Variants in TSC22D1 observed in about 807,000 individuals in gnomAD.
The protein encoded by TSC22D1 is TSC22 domain family protein 1.
In TSC22D1, 9 loss-of-function variants were observed where a neutral mutation model predicts 74.2. The observed-to-expected ratio is 0.12, with a 90% CI of 0.07 to 0.21. The LOEUF is 0.21. Among genes scored for constraint, TSC22D1 ranks in the 10% least tolerant of loss-of-function variants. The pLI, the probability that TSC22D1 is intolerant of heterozygous loss-of-function variation, is 1.00. For synonymous variants in TSC22D1, 586 were observed against 492.5 expected, an observed-to-expected ratio of 1.19 and a Z score of -2.51; for missense variants, 1,427 against 1,304.7, an observed-to-expected ratio of 1.09 and a Z score of -1.44.
At chr13:44,557,240 A>T (rs1377641140) in intron 1 of TSC22D1, among the ~76,000 whole-genome samples, 2 of 152,202 alleles carry the variant, frequency 1.3e-5, no homozygotes, top group Non-Finnish European at 2.9e-5. Context: ...AGGTGGGCGG[A>T]TCACAAGGTC....
chr13:44,520,632 A>T (rs1448136460), intron 1 of TSC22D1, among the ~76,000 whole-genome samples: 2 of 152,210 alleles, frequency 1.3e-5, no homozygotes, highest in Non-Finnish European at 2.9e-5. Context: ...GTAATTTTTT[A>T]AAAATCTTAA....
At chr13:44,566,368 A>C (rs1883373394) in intron 1 of TSC22D1, among the ~76,000 whole-genome samples, 1 of 152,330 alleles carries the variant, frequency 6.6e-6, no homozygotes, top group Middle Eastern at 3.4e-3. Context: ...ATAGAAAAAA[A>C]CTTAATTCAC....
In TSC22D1 at chr13:44,537,442, A is replaced by C; in HGVS notation, c.2912+35721T>G. ...AATCAAAGCATGAGATTAAGAGATT[A>C]AATCACTTTTCATCTTCAAAGCTGA... On this transcript the variant is annotated intron_variant, in intron 1 of 2. Coordinates refer to ENST00000458659, the MANE Select transcript of TSC22D1 (RefSeq NM_183422.4). 3.0e-6 allele frequency: 3 copies of C among 985,102 alleles called. No homozygotes were observed. The African/African-American group carries it at 5.2e-5, about 17-fold the overall frequency. The allele number at this position is 985,102 out of a possible 1,614,324, so 61.0% of individuals were successfully genotyped here.
intron 1 of TSC22D1, among the ~76,000 whole-genome samples, chr13:44,447,493 G>A (rs1875777089): frequency 7.0e-6 from 1 of 141,882 alleles, no homozygotes; most frequent in Non-Finnish European, 1.6e-5. Flanking sequence ...TAGAACTGTT[G>A]AGTTTGTTGG....
chr13:44,453,044 T>G (rs1876278233), intron 1 of TSC22D1, among the ~76,000 whole-genome samples: 1 of 152,222 alleles, frequency 6.6e-6, no homozygotes, highest in Non-Finnish European at 1.5e-5. Flanking sequence ...TGCAGTTAAT[T>G]AGAATTTACA....
intron 1 of TSC22D1, among the ~76,000 whole-genome samples, chr13:44,521,014 T>C (rs1880288685): frequency 6.6e-6 from 1 of 152,128 alleles, no homozygotes; most frequent in East Asian, 1.9e-4. Flanking sequence ...AACTGAGACA[T>C]GCAGTTTAAA....
At chr13:44,493,449 T>C (rs182397398) in intron 1 of TSC22D1, among the ~76,000 whole-genome samples, 2 of 152,258 alleles carry the variant, frequency 1.3e-5, no homozygotes, top group African/African-American at 2.4e-5. Context: ...TTTGAAAACA[T>C]TGAAAGGCAA....
chr13:44,491,629 C>CA (rs1264968810), intron 1 of TSC22D1, among the ~76,000 whole-genome samples: 1 of 150,768 alleles, frequency 6.6e-6, no homozygotes, highest in Admixed American at 6.6e-5. Flanking sequence ...AAGTACAATC[C>CA]AAAAAAATCC....
At chr13:44,487,968 G>C (rs1451342326) in intron 1 of TSC22D1, among the ~76,000 whole-genome samples, 1 of 152,098 alleles carries the variant, frequency 6.6e-6, no homozygotes, top group Non-Finnish European at 1.5e-5. Flanking sequence ...TAAGGCATGA[G>C]AGTTGCTTGA....
At chr13:44,531,875 C>T (rs1000484727) in intron 1 of TSC22D1, among the ~76,000 whole-genome samples, 2 of 152,168 alleles carry the variant, frequency 1.3e-5, no homozygotes, top group Non-Finnish European at 1.5e-5. Context: ...GCCATATTCT[C>T]AAACTTTCAG....
rs1874179021 is a variant in TSC22D1, at chr13:44,433,025, G to A, written c.*1601C>T. 2 of 152,104 alleles carry A rather than the reference G, an allele frequency of 1.3e-5. No individual in the cohort carries two copies. The highest frequency in any genetic ancestry group is 2.1e-4 in the South Asian group (1 of 4,826). 9.4% of individuals were successfully genotyped at this position (152,104 alleles called of 1,614,324 possible). A position where few individuals can be genotyped will look rare whatever the true frequency, so the allele number is the denominator to read the frequency against. The stretch of plus-strand genomic sequence containing the variant: ...TGCTTAGACAAAACGAATTATCCCA[G>A]GAGCTAGAAACTCATCCTACACTAG... On this transcript the variant is annotated 3_prime_UTR_variant, in exon 3 of 3. Transcript: ENST00000458659.
Position 44,434,643 on chromosome 13 carries a change from A to T in TSC22D1, c.3205T>A (p.Ser1069Thr). 1 of 1,576,458 alleles carries T rather than the reference A, an allele frequency of 6.3e-7. No individual in the cohort carries two copies. Among genetic ancestry groups the T allele is most frequent in the Non-Finnish European group, 8.6e-7 (1 of 1,163,652 alleles). ...ATAGGCAGCTATGCGGTTGGTCCTG[A>T]GCCCTGCGATGCTGGCTGGGCGGGG... Reference protein sequence around the residue: ...QPPAQPASQGSGPTA With the variant: ...QPPAQPASQGTGPTA Residue 1069 changes from serine (S) to threonine (T), a missense_variant, in exon 3 of 3, where the codon TCA becomes ACA. Ser to Thr is a moderately conservative substitution (Grantham distance 58, BLOSUM62 1). Transcript: ENST00000458659.
chr13:44,512,912 T>C (rs1278739385), intron 1 of TSC22D1, among the ~76,000 whole-genome samples: 2 of 152,220 alleles, frequency 1.3e-5, no homozygotes, highest in African/African-American at 4.8e-5. Context: ...CCTCCCAAAG[T>C]GCTGGGATTA....
At chr13:44,452,812 C>T (rs899469284) in intron 1 of TSC22D1, 1 of 152,222 alleles carries the variant, frequency 6.6e-6, no homozygotes, top group Non-Finnish European at 1.5e-5. Context: ...ATTATTCACT[C>T]TAGAAAGCTG....
chr13:44,573,404 G>C lies in TSC22D1; in HGVS notation c.2671C>G (p.Pro891Ala). Reference protein sequence around the residue: ...NTNLPLAQQIPLSSTQFSAQS... With the variant: ...NTNLPLAQQIALSSTQFSAQS... Reference sequence around the variant, plus strand: ...GCGGAGAACTGGGTAGAACTTAGTGGTATCTGTTGTGCCAAAGGCAAATTT... The same window carrying C: ...GCGGAGAACTGGGTAGAACTTAGTGCTATCTGTTGTGCCAAAGGCAAATTT... The change falls in exon 1 of 3, where the codon CCA becomes GCA. Residue 891 changes from proline to alanine, a missense_variant. Physicochemically the swap from Pro to Ala is conservative, Grantham distance 27. Coordinates refer to ENST00000458659, the MANE Select transcript of TSC22D1 (RefSeq NM_183422.4). 1 of 1,614,260 alleles carries C rather than the reference G, an allele frequency of 6.2e-7. No homozygotes were observed. Among genetic ancestry groups the C allele is most frequent in the Non-Finnish European group, 8.5e-7 (1 of 1,180,050 alleles).
At chr13:44,474,220 C>T in intron 1 of TSC22D1, 1 of 985,052 alleles carries the variant, frequency 1.0e-6, no homozygotes, top group Non-Finnish European at 1.2e-6. Context: ...GTACTCACAG[C>T]AGGATTATCA....
intron 1 of TSC22D1, among the ~76,000 whole-genome samples, chr13:44,451,712 G>A (rs527859590): frequency 7.9e-5 from 12 of 152,240 alleles, no homozygotes; most frequent in Admixed American, 7.2e-4. Flanking sequence ...AGGGGATCCA[G>A]AAGAATGCGG....
chr13:44,445,216 T>TACACACACACACACAC (rs55714213), intron 1 of TSC22D1, among the ~76,000 whole-genome samples: 13 of 144,676 alleles, frequency 9.0e-5, no homozygotes, highest in Non-Finnish European at 2.0e-4. Flanking sequence ...AGGTCAAAGA[T>TACACACACACACACAC]ACACACACAC....
chr13:44,528,901 T>C (rs1555270258), intron 1 of TSC22D1, among the ~76,000 whole-genome samples: 2 of 152,076 alleles, frequency 1.3e-5, no homozygotes, highest in Non-Finnish European at 2.9e-5. Flanking sequence ...GCAAATTCCT[T>C]GAATAATCTA....
Sources: gnomAD v4.1 joint callset for allele counts (sites outside exome capture counted in the v4.1 genomes callset) on GRCh38, gnomAD v4.1.1 for gene constraint, MANE v1.5 for transcripts, NCBI Gene and HGNC (gene_info 2026-07-23, HGNC 2026-07-21) for gene names.